The following ZSCAN9 variants were observed in gnomAD, a reference collection of about 807,000 sequenced individuals.
ZSCAN9 encodes zinc finger and SCAN domain containing 9.
Under a neutral mutation model 23.0 loss-of-function variants are expected in ZSCAN9, and 19 were observed. The ratio of observed to expected loss-of-function variants is 0.83; its 90% confidence interval spans 0.58 to 1.21. ZSCAN9 has a LOEUF of 1.21. Ranked by LOEUF, ZSCAN9 falls within the 50% of genes most tolerant of loss-of-function variation. The pLI, the probability that ZSCAN9 is intolerant of heterozygous loss-of-function variation, is 0.00. For synonymous variants in ZSCAN9, 155 were observed against 164.8 expected (o/e 0.94, Z 0.46); for missense variants, 467 against 471.5 (o/e 0.99, Z 0.09).
Position 28,232,583 on chromosome 6 carries a change from A to G in ZSCAN9, c.590A>G (p.Asp197Gly). The part of the protein sequence containing the change: ...GETDEVTKTE[D>G]RELVLRKDCP... ...TCAGATGAAGTAACCAAGACTGAGG[A>G]CAGAGAGTTGGTGCTAAGGAAAGAC... The change falls in exon 4 of 4, where the codon GAC (aspartate) becomes GGC (glycine). Residue 197 changes from aspartate to glycine, a missense_variant. Physicochemically the swap from Asp to Gly is moderately conservative, Grantham distance 94 (BLOSUM62 -1). Coordinates refer to ENST00000252207, the MANE Select transcript of ZSCAN9 (RefSeq NM_006299.5). 1.2e-6 allele frequency: 2 copies of G among 1,613,658 alleles called. No homozygotes were observed. Among genetic ancestry groups the G allele is most frequent in the Non-Finnish European group, 1.7e-6 (2 of 1,179,672 alleles).
rs763675045 is a variant in ZSCAN9, at chr6:28,233,149, A to G, written c.1156A>G (p.Lys386Glu). Residue 386 changes from lysine (K) to glutamate (E), a missense_variant, in exon 4 of 4, where the codon AAG becomes GAG. Physicochemically the swap from Lys to Glu is moderately conservative, Grantham distance 56 (BLOSUM62 1). Coordinates refer to ENST00000252207, the MANE Select transcript of ZSCAN9 (RefSeq NM_006299.5). ...NRHCNLIRHQ[K>E]IHTVAELV is the part of the protein sequence containing the mutation. Reference sequence around the variant, plus strand: ...ACACTGCAACCTCATTCGCCATCAGAAGATCCACACAGTGGCTGAGCTGGT... The same window carrying G: ...ACACTGCAACCTCATTCGCCATCAGGAGATCCACACAGTGGCTGAGCTGGT... 1.7e-5 allele frequency: 28 copies of G among 1,613,730 alleles called. No individual in the cohort carries two copies. In the South Asian group the frequency reaches 3.0e-4, roughly 17 times the overall value.
intron 3 of ZSCAN9, chr6:28,228,056 T>G (rs1345599461): frequency 2.8e-6 from 2 of 706,636 alleles, no homozygotes; most frequent in Non-Finnish European, 5.1e-6. Context: ...GGACTTCTGA[T>G]GCATGGTACA....
At chr6:28,230,223 A>C in intron 3 of ZSCAN9, 1 of 952,166 alleles carries the variant, frequency 1.1e-6, no homozygotes, top group African/African-American at 1.7e-5. Context: ...AGTCAGTTTG[A>C]TAATATATCT....
chr6:28,233,295 T>G lies in ZSCAN9; in HGVS notation c.*117T>G, dbSNP rs570452291. 203 of 1,496,478 alleles carry G rather than the reference T, an allele frequency of 1.4e-4. 1 individual carries two copies. In the African/African-American group the frequency reaches 2.4e-3, roughly 18 times the overall value. 92.7% of individuals were successfully genotyped at this position (1,496,478 alleles called of 1,614,324 possible). On this transcript the variant is annotated 3_prime_UTR_variant, in exon 4 of 4. Coordinates refer to ENST00000252207, the MANE Select transcript of ZSCAN9 (RefSeq NM_006299.5). The stretch of plus-strand genomic sequence containing the variant: ...AAATGTGTTTGAAACAAATCCTGAC[T>G]TAAGGCCCAGGGACTTCCTTAAAGG...
Position 28,232,852 on chromosome 6 carries a change from T to G in ZSCAN9, c.859T>G (p.Cys287Gly). The change falls in exon 4 of 4, where the codon TGT (cysteine) becomes GGT (glycine). Residue 287 changes from cysteine to glycine, a missense_variant. Coordinates refer to ENST00000252207, the MANE Select transcript of ZSCAN9 (RefSeq NM_006299.5). ...AGAAAGACCTTATGAATGTAATGAA[T>G]GTGGGAAAGCCTTCAGTCGAAGTTC... is the stretch of plus-strand genomic sequence containing the variant. ...TGERPYECNE[C>G]GKAFSRSSGL... 1 of 1,614,206 alleles carries G rather than the reference T, an allele frequency of 6.2e-7. No homozygotes were observed. Among genetic ancestry groups the G allele is most frequent in the Non-Finnish European group, 8.5e-7 (1 of 1,180,048 alleles).
chr6:28,227,978 G>A lies in ZSCAN9; in HGVS notation c.568+141G>A, dbSNP rs1760173305. On this transcript the variant is annotated intron_variant, in intron 3 of 3. Coordinates refer to ENST00000252207, the MANE Select transcript of ZSCAN9 (RefSeq NM_006299.5). ...AATGGTCAGTTCTTCTGAGAGCCTA[G>A]TGTGCTCATCTTTGACCCTTCTCCC... 4 of 1,021,626 alleles carry A rather than the reference G, an allele frequency of 3.9e-6. No individual in the cohort carries two copies. The East Asian group carries it at 1.0e-4, about 26-fold the overall frequency. The allele number at this position is 1,021,626 out of a possible 1,614,324, so 63.3% of individuals were successfully genotyped here. A position where few individuals can be genotyped will look rare whatever the true frequency, so the allele number is the denominator to read the frequency against.
Position 28,228,171 on chromosome 6 carries a change from G to T in ZSCAN9, c.568+334G>T, listed in dbSNP as rs1051070260. 9.1e-5 allele frequency: 58 copies of T among 634,676 alleles called. No individual in the cohort carries two copies. In the Middle Eastern group the frequency reaches 1.7e-3, roughly 19 times the overall value. 39.3% of individuals were successfully genotyped at this position (634,676 alleles called of 1,614,324 possible). ...TGGCATCGCCTCATGGAAGCTGCTTGTATTGGGCAGATTACTTAACCACTT... is the reference window on the plus strand; with the variant it reads ...TGGCATCGCCTCATGGAAGCTGCTTTTATTGGGCAGATTACTTAACCACTT... On this transcript the variant is annotated intron_variant, in intron 3 of 3. Coordinates refer to ENST00000252207, the MANE Select transcript of ZSCAN9 (RefSeq NM_006299.5).
chr6:28,229,728 A>G (rs997164238), intron 3 of ZSCAN9, among the ~76,000 whole-genome samples: 3 of 152,322 alleles, frequency 2.0e-5, no homozygotes, highest in East Asian at 1.9e-4. Context: ...ACAAAAGTTT[A>G]TATAGTAAAA....
At chr6:28,229,141 C>A (rs1314426659) in intron 3 of ZSCAN9, 7 of 152,156 alleles carry the variant, frequency 4.6e-5, no homozygotes, top group Admixed American at 1.3e-4. Context: ...TTATGGATTT[C>A]TATTACATGG....
rs1000335920 is a variant in ZSCAN9 at position 28,232,972 on chromosome 6, C to T, written c.979C>T (p.Gln327Ter). 2 of 1,614,126 alleles carry T rather than the reference C, an allele frequency of 1.2e-6. No individual in the cohort carries two copies. Among genetic ancestry groups the T allele is most frequent in the African/African-American group, 1.3e-5 (1 of 74,996 alleles). ...KVFSQSAGLI[Q>*]HQRIHKGEKP... ...CTTCAGTCAGAGTGCGGGTCTTATC[C>T]AGCATCAGAGAATCCACAAAGGAGA... The change falls in exon 4 of 4, where the codon CAG (glutamine) becomes TAG (stop). Residue 327 changes from glutamine (Q) to a stop codon, truncating the protein, a stop_gained. Coordinates refer to ENST00000252207, the MANE Select transcript of ZSCAN9 (RefSeq NM_006299.5). LOFTEE classifies it low-confidence loss of function (END_TRUNC).
Position 28,232,554 on chromosome 6 carries a change from T to C in ZSCAN9, c.569-8T>C. On this transcript the variant is annotated splice_region_variant and splice_polypyrimidine_tract_variant and intron_variant, in intron 3 of 3. Transcript: ENST00000252207. The stretch of plus-strand genomic sequence containing the variant: ...GTGACATTTACCTAGCCTTTTTCTT[T>C]GTTTCAGATGAAGTAACCAAGACTG... 6.2e-7 allele frequency: 1 copy of C among 1,600,982 alleles called. No homozygotes were observed. Among genetic ancestry groups the C allele is most frequent in the Non-Finnish European group, 8.5e-7 (1 of 1,172,226 alleles).
chr6:28,229,415 A>G (rs982999169), intron 3 of ZSCAN9, among the ~76,000 whole-genome samples: 1 of 152,152 alleles, frequency 6.6e-6, no homozygotes, highest in South Asian at 2.1e-4. Flanking sequence ...AAGCACATCT[A>G]TATTTTCCAC....
intron 3 of ZSCAN9, among the ~76,000 whole-genome samples, chr6:28,232,287 C>T (rs561677894): frequency 1.3e-5 from 2 of 152,254 alleles, no homozygotes; most frequent in East Asian, 3.9e-4. Flanking sequence ...GCTGAGATCA[C>T]ACCATTGCAC....
In ZSCAN9 at chr6:28,232,965, T is replaced by C; in HGVS notation, c.972T>C (p.Gly324=). The C allele has an allele frequency of 3.7e-6, 6 of 1,614,084 alleles. No homozygotes were observed. Among genetic ancestry groups the C allele is most frequent in the Non-Finnish European group, 5.1e-6 (6 of 1,180,014 alleles). Residue 324 remains glycine, a synonymous_variant, in exon 4 of 4, where the codon GGT becomes GGC. Transcript: ENST00000252207. ...ECGKVFSQSA[G]LIQHQRIHKG... is the part of the protein sequence containing the mutation. The stretch of plus-strand genomic sequence containing the variant: ...GGAAGGTCTTCAGTCAGAGTGCGGG[T>C]CTTATCCAGCATCAGAGAATCCACA...
At chr6:28,230,904 C>A (rs1760281731) in intron 3 of ZSCAN9, among the ~76,000 whole-genome samples, 1 of 151,996 alleles carries the variant, frequency 6.6e-6, no homozygotes, top group South Asian at 2.1e-4. Flanking sequence ...GTGGGCCTTG[C>A]TTTCATTTGA....
Position 28,233,309 on chromosome 6 carries a change from C to T in ZSCAN9, c.*131C>T, listed in dbSNP as rs1760378846. 1 of 1,466,986 alleles carries T rather than the reference C, an allele frequency of 6.8e-7. No individual in the cohort carries two copies. Among genetic ancestry groups the T allele is most frequent in the Admixed American group, 2.5e-5 (1 of 39,800 alleles). 90.9% of individuals were successfully genotyped at this position (1,466,986 alleles called of 1,614,324 possible). A position where few individuals can be genotyped will look rare whatever the true frequency, so the allele number is the denominator to read the frequency against. ...CAAATCCTGACTTAAGGCCCAGGGA[C>T]TTCCTTAAAGGAAAGTTGGGTGTTT... On this transcript the variant is annotated 3_prime_UTR_variant, in exon 4 of 4. Transcript: ENST00000252207.
At chr6:28,226,968 C>A in intron 1 of ZSCAN9, 44 bp from the exon 2 acceptor site, 1 of 826,198 alleles carries the variant, frequency 1.2e-6, no homozygotes, top group Non-Finnish European at 1.9e-6. Context: ...CTGTCATCAG[C>A]TATTATCATT....
At chr6:28,228,066 A>G (rs1320057953) in intron 3 of ZSCAN9, 14 of 697,092 alleles carry the variant, frequency 2.0e-5, no homozygotes, top group South Asian at 1.8e-4. Context: ...TGCATGGTAC[A>G]TGAGGAAGGC....
intron 3 of ZSCAN9, chr6:28,230,442 A>G (rs1380126679): frequency 3.3e-6 from 5 of 1,535,948 alleles, no homozygotes; most frequent in Non-Finnish European, 3.5e-6. Context: ...TCCCCCAGCT[A>G]AAAGGAGGAG....
Sources: gnomAD v4.1 joint callset for allele counts (sites outside exome capture counted in the v4.1 genomes callset) on GRCh38, gnomAD v4.1.1 for gene constraint, MANE v1.5 for transcripts, NCBI Gene and HGNC (gene_info 2026-07-23, HGNC 2026-07-21) for gene names.